The following CMC2 variants were observed in gnomAD, a reference collection of about 807,000 sequenced individuals.
CMC2 encodes the protein COX assembly mitochondrial protein 2 homolog.
In CMC2, 5 loss-of-function variants were observed where a neutral mutation model predicts 7.5. The ratio of observed to expected loss-of-function variants is 0.66; its 90% CI spans 0.35 to 1.40. The LOEUF is 1.40. CMC2 is among the 40% of genes most tolerant of loss of function. CMC2 has a pLI of 0.04. For missense variants in CMC2, 115 were observed against 92.3 expected (o/e 1.25, Z -1.01); for synonymous variants, 37 against 31.4 (o/e 1.18, Z -0.60).
At chr16:80,992,676 C>T (rs1968093479) in intron 2 of CMC2, among the ~76,000 whole-genome samples, 1 of 144,298 alleles carries the variant, frequency 6.9e-6, no homozygotes, top group African/African-American at 2.6e-5. Context: ...TCATTTTTCT[C>T]TCTGATTTTT....
At chr16:80,982,127 T>TA (rs1349321718) in intron 2 of CMC2, among the ~76,000 whole-genome samples, 5 of 151,796 alleles carry the variant, frequency 3.3e-5, no homozygotes, top group East Asian at 1.9e-4. Context: ...TTGGAACAAT[T>TA]AAAAAAAACC....
Position 80,991,025 on chromosome 16 carries a change from C to T in CMC2, c.81+6289G>A, listed in dbSNP as rs866046291. On this transcript the variant is annotated intron_variant, in intron 2 of 3. Coordinates refer to ENST00000219400, the MANE Select transcript of CMC2 (RefSeq NM_020188.5). ...TACAGGACTGAGCCACCAAGCCTGG[C>T]TTTTTTTTTTTTTTTTAACAGCTGC... Among the ~76,000 whole-genome samples the T allele has an allele frequency of 4.8e-3, 684 of 142,244 alleles. 9 individuals carry two copies. Among genetic ancestry groups the T allele is most frequent in the African/African-American group, 0.017 (659 of 38,846 alleles). The allele number at this position is 142,244 out of a possible 152,430, so 93.3% of individuals were successfully genotyped here.
intron 1 of CMC2, among the ~76,000 whole-genome samples, chr16:81,001,894 T>C (rs923650106): frequency 7.9e-5 from 12 of 151,978 alleles, no homozygotes; most frequent in Non-Finnish European, 1.6e-4. Flanking sequence ...ATAAAGCCAT[T>C]GCACCTAGTT....
chr16:80,987,195 G>A (rs551569319), intron 2 of CMC2, among the ~76,000 whole-genome samples: 2 of 152,248 alleles, frequency 1.3e-5, no homozygotes, highest in African/African-American at 4.8e-5. Flanking sequence ...TGAAAGGGAC[G>A]CTAACACAAG....
At chr16:80,980,169 C>T (rs879702711) in intron 3 of CMC2, among the ~76,000 whole-genome samples, 2 of 152,228 alleles carry the variant, frequency 1.3e-5, no homozygotes, top group Non-Finnish European at 2.9e-5. Flanking sequence ...ATCCTCCTGC[C>T]TCAGCCTCCC....
At chr16:81,005,140 C>T (rs1190981498) in intron 1 of CMC2, among the ~76,000 whole-genome samples, 1 of 152,180 alleles carries the variant, frequency 6.6e-6, no homozygotes, top group Non-Finnish European at 1.5e-5. Context: ...TAAAATATAT[C>T]TTTTTAGGCT....
chr16:80,978,266 C>T (rs1304161377), intron 3 of CMC2: 2 of 1,118,318 alleles, frequency 1.8e-6, no homozygotes, highest in African/African-American at 1.7e-5. Context: ...ACTGGATTGC[C>T]CCCAGCAATC....
At chr16:80,978,577 G>A (rs1966871112) in intron 3 of CMC2, among the ~76,000 whole-genome samples, 1 of 151,952 alleles carries the variant, frequency 6.6e-6, no homozygotes, top group African/African-American at 2.4e-5. Context: ...TTTTCAAGAA[G>A]AAGAACAAAA....
At chr16:80,997,956 A>C (rs1347143955) in intron 1 of CMC2, 1 of 152,216 alleles carries the variant, frequency 6.6e-6, no homozygotes, top group Non-Finnish European at 1.5e-5. Context: ...GTGAAAAAAA[A>C]TTTCAAATTT....
intron 2 of CMC2, among the ~76,000 whole-genome samples, chr16:80,992,859 T>C (rs949246919): frequency 6.6e-6 from 1 of 152,158 alleles, no homozygotes; most frequent in Non-Finnish European, 1.5e-5. Flanking sequence ...CGGCCACTTT[T>C]ATTTTTATTT....
In CMC2 at chr16:81,006,846, C is replaced by G. The variant is rs1969409487; in HGVS notation, c.-148G>C. The G allele has an allele frequency of 2.0e-6, 2 of 985,650 alleles. No individual in the cohort carries two copies. The allele number at this position is 985,650 out of a possible 1,614,324, so 61.1% of individuals were successfully genotyped here. On this transcript the variant is annotated 5_prime_UTR_variant, in exon 1 of 4. Transcript: ENST00000219400. ...CTGAACCGCTTGCCAGACGCCGAAA[C>G]CCAGTGACGCCCTCCACCGCTCCAC...
chr16:80,971,789 G>C lies in CMC2; in HGVS notation c.*4304C>G, dbSNP rs1405001520. On this transcript the variant is annotated 3_prime_UTR_variant, in exon 4 of 4. Coordinates refer to ENST00000219400, the MANE Select transcript of CMC2 (RefSeq NM_020188.5). ...TATGACTTAGATAGCAGCTATGTGAGTGTTCGTATTAGTCTGTATAGTTTT... is the reference window on the plus strand; with the variant it reads ...TATGACTTAGATAGCAGCTATGTGACTGTTCGTATTAGTCTGTATAGTTTT... 1 of 151,860 alleles carries C rather than the reference G, an allele frequency of 6.6e-6. No individual in the cohort carries two copies. 9.4% of individuals were successfully genotyped at this position (151,860 alleles called of 1,614,324 possible).
intron 3 of CMC2, among the ~76,000 whole-genome samples, chr16:80,978,942 G>T (rs1015958251): frequency 3.3e-5 from 5 of 152,064 alleles, no homozygotes; most frequent in Non-Finnish European, 5.9e-5. Context: ...TTAGCTGGGC[G>T]TGGTGGTGGG....
At chr16:80,984,763 A>G (rs1441163246) in intron 2 of CMC2, among the ~76,000 whole-genome samples, 2 of 152,228 alleles carry the variant, frequency 1.3e-5, no homozygotes, top group Non-Finnish European at 2.9e-5. Context: ...CATTCCACAT[A>G]TGTACATCTT....
rs1180199360 is a variant in CMC2 at position 80,976,118 on chromosome 16, T to C, written c.215A>G (p.Asn72Ser). Residue 72 changes from asparagine (N) to serine (S), a missense_variant, in exon 4 of 4, where the codon AAT (asparagine) becomes AGT (serine). By Grantham distance (46) the Asn-to-Ser change is conservative. Coordinates refer to ENST00000219400, the MANE Select transcript of CMC2 (RefSeq NM_020188.5). ...HGIAMRKKLFNPPEESEK is the reference protein window; with the variant it reads ...HGIAMRKKLFSPPEESEK ...TTATTTTTCGGATTCCTCTGGAGGA[T>C]TAAAAAGTTTCTTTCGCATTGCAAT... 6.2e-7 allele frequency: 1 copy of C among 1,608,484 alleles called. No individual in the cohort carries two copies. The highest frequency in any genetic ancestry group is 2.2e-5 in the East Asian group (1 of 44,846).
intron 2 of CMC2, 84 bp from the exon 3 acceptor site, chr16:80,981,961 C>T (rs1475819211): frequency 1.4e-6 from 1 of 729,110 alleles, no homozygotes; most frequent in East Asian, 2.6e-5. Flanking sequence ...CTGCCACAGA[C>T]ATGAGTTTAC....
intron 1 of CMC2, among the ~76,000 whole-genome samples, chr16:81,005,931 GACA>G (rs569570291): frequency 8.5e-5 from 13 of 152,250 alleles, no homozygotes; most frequent in Non-Finnish European, 1.6e-4. Flanking sequence ...GTCAGAAACT[GACA>G]ACTAGTTCAG....
chr16:80,979,786 A>G (rs2084960), intron 3 of CMC2, among the ~76,000 whole-genome samples: 3,171 of 150,858 alleles, frequency 0.021, 112 homozygotes, highest in African/African-American at 0.074. Flanking sequence ...ATGCCTGGCT[A>G]ATTTTTTTGT....
intron 1 of CMC2, 158 bp downstream of exon 1, chr16:81,006,576 G>T: frequency 2.4e-6 from 1 of 411,690 alleles, no homozygotes; most frequent in Non-Finnish European, 3.3e-6. Context: ...CCTCCCCAGC[G>T]CAGCAGCCCG....
Sources: gnomAD v4.1 joint callset for allele counts (sites outside exome capture counted in the v4.1 genomes callset) on GRCh38, gnomAD v4.1.1 for gene constraint, MANE v1.5 for transcripts, NCBI Gene and HGNC (gene_info 2026-07-23, HGNC 2026-07-21) for gene names.